PDE10A: variants seen among roughly 807,000 people sequenced by gnomAD.
PDE10A encodes the protein phosphodiesterase 10A.
Under a neutral mutation model 97.7 loss-of-function variants are expected in PDE10A, and 39 were observed. That is an observed-to-expected ratio of 0.40 (90% CI 0.31 to 0.52). PDE10A has a LOEUF of 0.52. Among genes scored for constraint, PDE10A ranks in the 20% least tolerant of loss-of-function variants. PDE10A has a pLI of 0.56. For missense variants in PDE10A, 731 were observed against 1,047.8 expected (o/e 0.70, Z 4.17); for synonymous variants, 371 against 376.8 (o/e 0.98, Z 0.18).
At chr6:165,466,630 T>G (rs1174679848) in intron 3 of PDE10A, among the ~76,000 whole-genome samples, 3 of 152,234 alleles carry the variant, frequency 2.0e-5, no homozygotes, top group Non-Finnish European at 2.9e-5. Flanking sequence ...ATTTCAAAAC[T>G]TTTTCATTAT....
chr6:165,361,532 C>G (rs1233757147), intron 18 of PDE10A, among the ~76,000 whole-genome samples: 1 of 152,138 alleles, frequency 6.6e-6, no homozygotes, highest in African/African-American at 2.4e-5. Context: ...TAGTGTTCTT[C>G]CAGACATAAT....
chr6:165,715,377 A>T (rs772291250), intron 1 of PDE10A, among the ~76,000 whole-genome samples: 1 of 152,226 alleles, frequency 6.6e-6, no homozygotes, highest in Non-Finnish European at 1.5e-5. Context: ...AGCCAACAGA[A>T]GTGGTGTGTG....
chr6:165,335,073 G>A (rs187547537), intron 21 of PDE10A, among the ~76,000 whole-genome samples: 151 of 152,276 alleles, frequency 9.9e-4, no homozygotes, highest in African/African-American at 3.3e-3. Flanking sequence ...CACACGCACA[G>A]CTGCTGGCTA....
chr6:165,889,723 A>T (rs940147347), intron 1 of PDE10A, among the ~76,000 whole-genome samples: 1 of 152,078 alleles, frequency 6.6e-6, no homozygotes, highest in Non-Finnish European at 1.5e-5. Flanking sequence ...CTCTACTCGG[A>T]AACTATGGAC....
At chr6:165,742,530 A>G (rs1032525328) in intron 1 of PDE10A, among the ~76,000 whole-genome samples, 2 of 152,194 alleles carry the variant, frequency 1.3e-5, no homozygotes, top group Admixed American at 1.3e-4. Context: ...CTTATCAAGA[A>G]GAGACCTCAC....
At chr6:165,702,457 G>A (rs186091414) in intron 1 of PDE10A, among the ~76,000 whole-genome samples, 22 of 152,312 alleles carry the variant, frequency 1.4e-4, no homozygotes, top group Admixed American at 1.3e-4. Context: ...CCTGGAGAAG[G>A]AACAGCCTTA....
At chr6:165,459,561 A>T (rs1295152126) in intron 3 of PDE10A, among the ~76,000 whole-genome samples, 1 of 79,848 alleles carries the variant, frequency 1.3e-5, no homozygotes, top group East Asian at 3.1e-4. Context: ...AGACAGACAG[A>T]TAGATAGATA....
intron 1 of PDE10A, among the ~76,000 whole-genome samples, chr6:165,651,509 C>A (rs1225724847): frequency 6.6e-6 from 1 of 152,172 alleles, no homozygotes; most frequent in Non-Finnish European, 1.5e-5. Context: ...TTCTGGCATG[C>A]TATGGGACAT....
At chr6:165,437,346 C>T (rs1351091303) in intron 5 of PDE10A, among the ~76,000 whole-genome samples, 1 of 152,028 alleles carries the variant, frequency 6.6e-6, no homozygotes, top group African/African-American at 2.4e-5. Context: ...TACATTCCTA[C>T]ATTATTAGAT....
At chr6:165,862,441 C>T (rs975845275) in intron 1 of PDE10A, among the ~76,000 whole-genome samples, 1 of 152,122 alleles carries the variant, frequency 6.6e-6, no homozygotes, top group Non-Finnish European at 1.5e-5. Flanking sequence ...AATAGGTTCA[C>T]AAGTTAAGAG....
chr6:165,777,840 A>G (rs1562731968), intron 1 of PDE10A, among the ~76,000 whole-genome samples: 2 of 152,134 alleles, frequency 1.3e-5, no homozygotes, highest in Non-Finnish European at 2.9e-5. Flanking sequence ...TACCGACACC[A>G]TGGTGTCTGC....
At chr6:165,439,625 AT>A (rs1790285795) in intron 5 of PDE10A, among the ~76,000 whole-genome samples, 1 of 152,200 alleles carries the variant, frequency 6.6e-6, no homozygotes. Flanking sequence ...CAGCTTTTAA[AT>A]TTTTCTAAGA....
At chr6:165,465,409 G>C (rs891063706) in intron 3 of PDE10A, among the ~76,000 whole-genome samples, 1 of 152,200 alleles carries the variant, frequency 6.6e-6, no homozygotes, top group Middle Eastern at 3.2e-3. Flanking sequence ...ATGGGGAAAA[G>C]AGAAAAAGCA....
At chr6:165,373,586 T>C (rs1784408524) in intron 18 of PDE10A, among the ~76,000 whole-genome samples, 1 of 152,046 alleles carries the variant, frequency 6.6e-6, no homozygotes. Context: ...AAACAACAGG[T>C]GCTGGAGAGG....
At chr6:165,496,373 G>A (rs1780537690) in intron 2 of PDE10A, among the ~76,000 whole-genome samples, 1 of 152,116 alleles carries the variant, frequency 6.6e-6, no homozygotes, top group South Asian at 2.1e-4. Flanking sequence ...AGACAGGTTT[G>A]GAGTCAATAG....
chr6:165,958,716 GAAGAAAGAAAGA>G (rs58415177), intron 1 of PDE10A, among the ~76,000 whole-genome samples: 1 of 58,768 alleles, frequency 1.7e-5, no homozygotes, highest in Non-Finnish European at 3.1e-5. Context: ...AAGAAAGAGA[GAAGAAAGAAAGA>G]AAGAAAGAAA....
intron 1 of PDE10A, among the ~76,000 whole-genome samples, chr6:165,582,123 C>T (rs904664243): frequency 6.6e-6 from 1 of 152,162 alleles, no homozygotes; most frequent in Non-Finnish European, 1.5e-5. Flanking sequence ...TTATGCCTGA[C>T]CCACCTATTT....
chr6:165,984,935 A>C (rs1785139424), intron 1 of PDE10A, among the ~76,000 whole-genome samples: 1 of 152,198 alleles, frequency 6.6e-6, no homozygotes. Flanking sequence ...AGTGCACACA[A>C]AGACTCATGT....
intron 1 of PDE10A, among the ~76,000 whole-genome samples, chr6:165,837,659 GTTTTTTTTTTTTTT>G (rs386409265): frequency 2.4e-5 from 2 of 83,488 alleles, no homozygotes; most frequent in Non-Finnish European, 2.2e-5. Context: ...ATCTCTCCTG[GTTTTTTTTTTTTTT>G]TTTTTTTTTT....
Sources: gnomAD v4.1 joint callset for allele counts (sites outside exome capture counted in the v4.1 genomes callset) on GRCh38, gnomAD v4.1.1 for gene constraint, MANE v1.5 for transcripts, NCBI Gene and HGNC (gene_info 2026-07-23, HGNC 2026-07-21) for gene names.